DIP2C: variants seen among roughly 807,000 people sequenced by gnomAD.
DIP2C encodes disco-interacting protein 2 homolog C.
DIP2C carries 33 observed loss-of-function variants against 192.4 expected under a neutral mutation model. The ratio of observed to expected loss-of-function variants is 0.17; its 90% CI spans 0.13 to 0.23. The LOEUF is 0.23. Ranked by LOEUF, DIP2C falls within the 10% of genes least tolerant of loss-of-function variation. The pLI, the probability that DIP2C is intolerant of heterozygous loss-of-function variation, is 1.00. For synonymous variants in DIP2C, 979 were observed against 864.1 expected (o/e 1.13, Z -2.33); for missense variants, 1,537 against 2,110.1 (o/e 0.73, Z 5.32).
At chr10:308,585 A>G (rs1406179065) in intron 32 of DIP2C, among the ~76,000 whole-genome samples, 1 of 152,270 alleles carries the variant, frequency 6.6e-6, no homozygotes, top group African/African-American at 2.4e-5. Context: ...CTGTATGCCC[A>G]GAAACAAGTT....
chr10:334,420 TTC>T (rs1402238684), intron 29 of DIP2C, among the ~76,000 whole-genome samples: 1 of 152,090 alleles, frequency 6.6e-6, no homozygotes, highest in African/African-American at 2.4e-5. Flanking sequence ...TTCTACTTAA[TTC>T]TGTCTTTTGA....
chr10:674,771 A>AATATATATATATATATATATATATAT (rs375454744), intron 1 of DIP2C, among the ~76,000 whole-genome samples: 5 of 27,700 alleles, frequency 1.8e-4, no homozygotes, highest in African/African-American at 6.8e-4. Context: ...CTCCATCTCA[A>AATATATATATATATATATATATATAT]ATATATATAT....
At position 601,875 on chromosome 10, in the gene DIP2C, G is replaced by A. The variant is rs1024104939; in HGVS notation, c.85+87619C>T. 1.6e-4 allele frequency among the ~76,000 whole-genome samples: 25 copies of A among 152,292 alleles called. No homozygotes were observed. In the Middle Eastern group the frequency reaches 0.01, roughly 62 times the overall value. Reference sequence around the variant, plus strand: ...TGTTCTCCAGAGGGGCCTCAGGCTCGGGTAAGGAGAGAACGGGAGGAACCA... The same window carrying A: ...TGTTCTCCAGAGGGGCCTCAGGCTCAGGTAAGGAGAGAACGGGAGGAACCA... On this transcript the variant is annotated intron_variant, in intron 1 of 36. Coordinates refer to ENST00000280886, the MANE Select transcript of DIP2C (RefSeq NM_014974.3).
chr10:417,654 A>AGGGCTCGGACAGGCCTCCCTGTCTG (rs1965757315), intron 6 of DIP2C, among the ~76,000 whole-genome samples: 1 of 11,022 alleles, frequency 9.1e-5, no homozygotes, highest in Non-Finnish European at 2.0e-4. Flanking sequence ...CTCCCTGTCC[A>AGGGCTCGGACAGGCCTCCCTGTCTG]CCTGTTCCTG....
chr10:304,420 C>T (rs375242349), intron 32 of DIP2C, among the ~76,000 whole-genome samples: 16 of 152,218 alleles, frequency 1.1e-4, no homozygotes, highest in East Asian at 9.7e-4. Context: ...CAAAGGGACA[C>T]GAGCTCCACA....
chr10:525,723 C>T (rs1369442879), intron 1 of DIP2C, among the ~76,000 whole-genome samples: 1 of 152,190 alleles, frequency 6.6e-6, no homozygotes, highest in African/African-American at 2.4e-5. Context: ...CAGCCCCGTA[C>T]ACCCATCAGC....
intron 1 of DIP2C, among the ~76,000 whole-genome samples, chr10:541,274 C>T (rs1248270656): frequency 2.0e-5 from 3 of 152,182 alleles, no homozygotes; most frequent in African/African-American, 7.2e-5. Context: ...GACACACACA[C>T]CCTGCCGAGG....
chr10:543,081 A>G (rs1848093955), intron 1 of DIP2C, among the ~76,000 whole-genome samples: 1 of 152,044 alleles, frequency 6.6e-6, no homozygotes, highest in Non-Finnish European at 1.5e-5. Context: ...CGATACCAAC[A>G]CATGCGGCTC....
At chr10:341,876 C>T (rs960278659) in intron 28 of DIP2C, among the ~76,000 whole-genome samples, 3 of 152,112 alleles carry the variant, frequency 2.0e-5, no homozygotes, top group African/African-American at 7.2e-5. Context: ...GACCCTGTCT[C>T]TTCAATAAAT....
At chr10:327,218 C>G in intron 30 of DIP2C, 42 bp from the exon 31 acceptor site, 1 of 1,592,358 alleles carries the variant, frequency 6.3e-7, no homozygotes, top group Non-Finnish European at 8.5e-7. Context: ...CCCCACGTGT[C>G]GAGCTTGGAG....
intron 17 of DIP2C, among the ~76,000 whole-genome samples, chr10:371,787 C>G (rs1473597974): frequency 6.6e-6 from 1 of 152,190 alleles, no homozygotes; most frequent in Non-Finnish European, 1.5e-5. Flanking sequence ...GACGCCCAGC[C>G]CTGTGACACC....
At chr10:511,164 A>G (rs1588347149) in intron 1 of DIP2C, among the ~76,000 whole-genome samples, 1 of 152,144 alleles carries the variant, frequency 6.6e-6, no homozygotes, top group Non-Finnish European at 1.5e-5. Flanking sequence ...CGCTGAACAC[A>G]CTGTCGCGAT....
chr10:435,108 G>T (rs563328545), intron 4 of DIP2C, among the ~76,000 whole-genome samples: 291 of 152,194 alleles, frequency 1.9e-3, no homozygotes, highest in South Asian at 0.012. Context: ...TTGTATTACC[G>T]TTCCGCATAA....
At chr10:350,622 G>C (rs994790604) in intron 24 of DIP2C, among the ~76,000 whole-genome samples, 1 of 142,672 alleles carries the variant, frequency 7.0e-6, no homozygotes. Flanking sequence ...CTGAACACCC[G>C]GGCTCAGGAA....
At position 610,045 on chromosome 10, in the gene DIP2C, C is replaced by T. The variant is rs370124223; in HGVS notation, c.85+79449G>A. Among the ~76,000 whole-genome samples the T allele has an allele frequency of 1.4e-3, 218 of 152,240 alleles. 4 individuals are homozygous for T. The highest frequency in any genetic ancestry group is 4.9e-3 in the African/African-American group (202 of 41,536). On this transcript the variant is annotated intron_variant, in intron 1 of 36. Transcript: ENST00000280886. ...ACTGCTCCCAGCTTCAATGCAGCACCGTCCACAGCAGCCAAGATCCGGAAT... is the reference window on the plus strand; with the variant it reads ...ACTGCTCCCAGCTTCAATGCAGCACTGTCCACAGCAGCCAAGATCCGGAAT...
At chr10:530,278 G>T (rs556458449) in intron 1 of DIP2C, among the ~76,000 whole-genome samples, 1 of 152,290 alleles carries the variant, frequency 6.6e-6, no homozygotes, top group African/African-American at 2.4e-5. Flanking sequence ...ATTTGCTATG[G>T]GCTTGATTCA....
chr10:670,213 C>T (rs1588734769), intron 1 of DIP2C, among the ~76,000 whole-genome samples: 1 of 152,150 alleles, frequency 6.6e-6, no homozygotes, highest in East Asian at 1.9e-4. Context: ...TGTATGCACA[C>T]ATACGCACAC....
chr10:461,237 T>A (rs1473764115), intron 3 of DIP2C, among the ~76,000 whole-genome samples: 4 of 152,180 alleles, frequency 2.6e-5, no homozygotes, highest in African/African-American at 7.2e-5. Flanking sequence ...AATGCCCCCA[T>A]TAAAAGACAC....
intron 31 of DIP2C, among the ~76,000 whole-genome samples, chr10:325,834 T>C (rs920330664): frequency 2.0e-5 from 3 of 152,080 alleles, no homozygotes; most frequent in African/African-American, 2.4e-5. Context: ...GATGGAGCTA[T>C]TATAATAATT....
Sources: gnomAD v4.1 joint callset for allele counts (sites outside exome capture counted in the v4.1 genomes callset) on GRCh38, gnomAD v4.1.1 for gene constraint, MANE v1.5 for transcripts, NCBI Gene and HGNC (gene_info 2026-07-23, HGNC 2026-07-21) for gene names.